Variants in NELL1 observed in about 807,000 individuals in gnomAD.
NELL1 encodes the protein protein kinase C-binding protein NELL1.
In NELL1, 76 loss-of-function variants were observed where a neutral mutation model predicts 107.4. The observed-to-expected ratio is 0.71, with a 90% confidence interval of 0.59 to 0.86. The LOEUF is 0.86. NELL1 is among the 40% of genes least tolerant of loss of function. The pLI is 0.00. For missense variants in NELL1, 1,024 were observed against 1,005.5 expected, an observed-to-expected ratio of 1.02 and a Z score of -0.25; for synonymous variants, 353 against 341.2, an observed-to-expected ratio of 1.03 and a Z score of -0.38.
chr11:21,307,644 A>G (rs904517911), intron 14 of NELL1, among the ~76,000 whole-genome samples: 2 of 152,034 alleles, frequency 1.3e-5, no homozygotes, highest in Non-Finnish European at 2.9e-5. Flanking sequence ...ATCTAACCAG[A>G]TCCTTAAAAA....
intron 15 of NELL1, among the ~76,000 whole-genome samples, chr11:21,502,106 G>C (rs1855159116): frequency 6.6e-6 from 1 of 152,102 alleles, no homozygotes; most frequent in South Asian, 2.1e-4. Flanking sequence ...TTTCCTACAG[G>C]TGCCACTCTC....
chr11:21,455,784 C>G (rs1238369040), intron 15 of NELL1, among the ~76,000 whole-genome samples: 1 of 151,638 alleles, frequency 6.6e-6, no homozygotes, highest in Admixed American at 6.6e-5. Flanking sequence ...GGAAAGATGC[C>G]AGCCATAATT....
chr11:21,389,557 A>G (rs1039699603), intron 15 of NELL1, among the ~76,000 whole-genome samples: 1 of 151,804 alleles, frequency 6.6e-6, no homozygotes, highest in East Asian at 2.0e-4. Context: ...AAAGTTAACA[A>G]ACTTTTGAAA....
intron 12 of NELL1, among the ~76,000 whole-genome samples, chr11:21,021,560 C>G (rs1340640423): frequency 6.6e-6 from 1 of 152,028 alleles, no homozygotes; most frequent in East Asian, 1.9e-4. Flanking sequence ...AGTTTCATAT[C>G]TTTAGAGAAG....
intron 12 of NELL1, among the ~76,000 whole-genome samples, chr11:21,041,486 T>C (rs1590573947): frequency 6.6e-6 from 1 of 152,126 alleles, no homozygotes. Context: ...GGTTAGTATA[T>C]ATTACCTTAT....
chr11:21,332,181 G>A (rs2133687138), intron 14 of NELL1, among the ~76,000 whole-genome samples: 1 of 152,054 alleles, frequency 6.6e-6, no homozygotes, highest in South Asian at 2.1e-4. Context: ...TGCCCCATTG[G>A]TTATTCTTTG....
At chr11:20,916,672 G>A (rs541637740) in intron 5 of NELL1, among the ~76,000 whole-genome samples, 10 of 151,922 alleles carry the variant, frequency 6.6e-5, no homozygotes, top group Middle Eastern at 3.4e-3. Flanking sequence ...CTGTTTTAGC[G>A]CTGAATTTTT....
At chr11:20,937,638 A>C (rs1850754414) in intron 9 of NELL1, 148 bp from the exon 10 acceptor site, 1 of 635,316 alleles carries the variant, frequency 1.6e-6, no homozygotes, top group Non-Finnish European at 2.8e-6. Flanking sequence ...TCCTCCACAC[A>C]ATTCCTTTCA....
chr11:20,702,890 G>A (rs1186057018), intron 2 of NELL1, among the ~76,000 whole-genome samples: 1 of 152,104 alleles, frequency 6.6e-6, no homozygotes, highest in Non-Finnish European at 1.5e-5. Context: ...GCTTTTTGAG[G>A]TGCTGCTGGA....
intron 14 of NELL1, among the ~76,000 whole-genome samples, chr11:21,348,470 A>T (rs1850732818): frequency 6.6e-6 from 1 of 152,156 alleles, no homozygotes; most frequent in Non-Finnish European, 1.5e-5. Flanking sequence ...TTTTAATAAA[A>T]TGTGTCTGGT....
At chr11:20,871,290 G>C (rs139134667) in intron 4 of NELL1, among the ~76,000 whole-genome samples, 6 of 152,334 alleles carry the variant, frequency 3.9e-5, no homozygotes, top group South Asian at 2.1e-4. Flanking sequence ...GCCAGGCAAA[G>C]AGGGGTGGAG....
At chr11:21,302,875 G>T (rs1267300582) in intron 14 of NELL1, among the ~76,000 whole-genome samples, 2 of 151,606 alleles carry the variant, frequency 1.3e-5, no homozygotes, top group South Asian at 4.1e-4. Flanking sequence ...GGGCAGTATA[G>T]TGAGACCCTA....
chr11:21,285,183 A>G (rs542341951), intron 14 of NELL1, among the ~76,000 whole-genome samples: 69 of 152,278 alleles, frequency 4.5e-4, no homozygotes, highest in African/African-American at 1.7e-3. Flanking sequence ...ATTGAGGACA[A>G]TTTTATCTAA....
At chr11:21,402,264 A>G (rs1852115225) in intron 15 of NELL1, among the ~76,000 whole-genome samples, 1 of 151,800 alleles carries the variant, frequency 6.6e-6, no homozygotes, top group Non-Finnish European at 1.5e-5. Flanking sequence ...CTCTTTCTAT[A>G]CTTTGAGTAC....
chr11:21,461,865 C>T (rs1346050363), intron 15 of NELL1, among the ~76,000 whole-genome samples: 2 of 152,070 alleles, frequency 1.3e-5, no homozygotes, highest in African/African-American at 4.8e-5. Flanking sequence ...AAGTAAAGAC[C>T]TGGAAACTAC....
chr11:20,966,213 T>A (rs769157000), intron 12 of NELL1, among the ~76,000 whole-genome samples: 51 of 152,208 alleles, frequency 3.4e-4, no homozygotes, highest in African/African-American at 1.1e-3. Flanking sequence ...AAAATGAAGG[T>A]GCCAGCATCT....
intron 14 of NELL1, among the ~76,000 whole-genome samples, chr11:21,274,368 A>C (rs1287598018): frequency 6.6e-6 from 1 of 152,198 alleles, no homozygotes; most frequent in East Asian, 1.9e-4. Context: ...ATATATATGC[A>C]CCCAATACAG....
At chr11:21,314,218 C>T (rs956211595) in intron 14 of NELL1, among the ~76,000 whole-genome samples, 15 of 152,056 alleles carry the variant, frequency 9.9e-5, no homozygotes, top group African/African-American at 3.4e-4. Context: ...AATGACCTAA[C>T]ACAAATGGGT....
At chr11:20,683,804 T>C (rs1306071243) in intron 2 of NELL1, among the ~76,000 whole-genome samples, 5 of 152,106 alleles carry the variant, frequency 3.3e-5, no homozygotes, top group African/African-American at 7.2e-5. Flanking sequence ...TTTTCACTTA[T>C]ATTGTTTCCA....
Sources: gnomAD v4.1 joint callset for allele counts (sites outside exome capture counted in the v4.1 genomes callset) on GRCh38, gnomAD v4.1.1 for gene constraint, MANE v1.5 for transcripts, NCBI Gene and HGNC (gene_info 2026-07-23, HGNC 2026-07-21) for gene names.